JAK3: variants seen among roughly 807,000 people sequenced by gnomAD.
JAK3 encodes the protein tyrosine-protein kinase JAK3.
A neutral mutation model predicts 120.8 loss-of-function variants in JAK3; 88 were observed. The ratio of observed to expected loss-of-function variants is 0.73; its 90% CI spans 0.61 to 0.87. JAK3 has a LOEUF of 0.87. JAK3 is among the 40% of genes least tolerant of loss of function. The pLI is 0.00. For synonymous variants in JAK3, 592 were observed against 628.6 expected (o/e 0.94, Z 0.87); for missense variants, 1,254 against 1,501.4 (o/e 0.84, Z 2.72).
rs200966702 is a variant in JAK3, at chr19:17,843,737, A to G, written c.308+40T>C. ...GCACCTCGAAATGCAAGGAGATGAT[A>G]AAATTGTACAATCCCTGGGGGCTGG... On this transcript the variant is annotated intron_variant, in intron 3 of 23. Transcript: ENST00000458235. This position sits in a 1 kb window ranked among gnomAD's most constrained non-coding sequence, Gnocchi z 5.4. 1.4e-4 allele frequency: 233 copies of G among 1,611,308 alleles called. No homozygotes were observed. Among genetic ancestry groups the G allele is most frequent in the Non-Finnish European group, 1.9e-4 (226 of 1,178,702 alleles).
At position 17,839,676 on chromosome 19, in the gene JAK3, G is replaced by C. The variant is rs758957274; in HGVS notation, c.1255-13C>G. 1 of 1,604,678 alleles carries C rather than the reference G, an allele frequency of 6.2e-7. No individual in the cohort carries two copies. Among genetic ancestry groups the C allele is most frequent in the African/African-American group, 1.3e-5 (1 of 74,846 alleles). On this transcript the variant is annotated splice_polypyrimidine_tract_variant and intron_variant, in intron 9 of 23. Coordinates refer to ENST00000458235, the MANE Select transcript of JAK3 (RefSeq NM_000215.4). ...GACCAAGGGGGTTCTGCAAAGAAGA[G>C]TGGCCCCTGAGTGGGACTGAGCGAC...
intron 1 of JAK3, 81 bp from the exon 2 acceptor site, chr19:17,844,511 G>A (rs557532469): frequency 6.3e-5 from 83 of 1,311,176 alleles, no homozygotes; most frequent in Non-Finnish European, 2.7e-5. Context: ...GGAAAGGAGT[G>A]CTGGAGGCCG....
rs35458530 is a variant in JAK3, at chr19:17,834,662, G to A, written c.2259C>T (p.Ala753=). 0.013 allele frequency: 20,245 copies of A among 1,614,058 alleles called. 160 individuals carry two copies. The highest frequency in any genetic ancestry group is 0.015 in the Non-Finnish European group (17,335 of 1,179,998). The change falls in exon 17 of 24, where the codon GCC becomes GCT. Residue 753 remains alanine, a synonymous_variant. Transcript: ENST00000458235. ...QLPAPKWTEL[A]LLIQQCMAYE... ...AGGCCATGCACTGTTGAATCAGCAG[G>A]GCCAGCTCTGTCCACTTGGGGGCCG...
chr19:17,842,380 T>A lies in JAK3; in HGVS notation c.797A>T (p.Asp266Val), dbSNP rs2147697148. 6.3e-7 allele frequency: 1 copy of A among 1,586,124 alleles called. No individual in the cohort carries two copies. Among genetic ancestry groups the A allele is most frequent in the Non-Finnish European group, 8.5e-7 (1 of 1,170,232 alleles). The change falls in exon 6 of 24, where the codon GAC becomes GTC. Residue 266 changes from aspartate (D) to valine (V), a missense_variant. By Grantham distance (152) the Asp-to-Val change is radical (BLOSUM62 -3). Coordinates refer to ENST00000458235, the MANE Select transcript of JAK3 (RefSeq NM_000215.4). This position sits in a 1 kb window ranked among gnomAD's most constrained non-coding sequence, Gnocchi z 6.4. ...AGCCACGCGGAGCAGCCCCAGCCCG[T>A]CGTGGCCACCAAGGGCCCCAGGGAG... The part of the protein sequence containing the change: ...VGLPGALGGH[D>V]GLGLLRVAGD...
chr19:17,835,728 G>C (rs1302562669), intron 14 of JAK3, among the ~76,000 whole-genome samples, 196 bp downstream of exon 14: 1 of 151,932 alleles, frequency 6.6e-6, no homozygotes, highest in Non-Finnish European at 1.5e-5. Flanking sequence ...GCCCAGCCTC[G>C]TCATTCACCA....
At position 17,830,474 on chromosome 19, in the gene JAK3, A is replaced by C. The variant is rs370952891; in HGVS notation, c.3096+29T>G. On this transcript the variant is annotated intron_variant, in intron 22 of 23. Coordinates refer to ENST00000458235, the MANE Select transcript of JAK3 (RefSeq NM_000215.4). ...CCACGAGGGGCGTGGAGGGAGAAGA[A>C]GGCTGGGGGCTCTGGGAAGCCGACT... is the stretch of plus-strand genomic sequence containing the variant. 2.9e-5 allele frequency: 45 copies of C among 1,568,926 alleles called. No homozygotes were observed. In the African/African-American group the frequency reaches 5.5e-4, roughly 19 times the overall value.
chr19:17,842,296 G>T lies in JAK3; in HGVS notation c.861+20C>A. 1 of 1,233,550 alleles carries T rather than the reference G, an allele frequency of 8.1e-7. No homozygotes were observed. The highest frequency in any genetic ancestry group is 1.1e-6 in the Non-Finnish European group (1 of 927,462). The allele number at this position is 1,233,550 out of a possible 1,614,324, so 76.4% of individuals were successfully genotyped here. ...CCCGCCCCCACGTTGGCCCCGCCCAGCGGGGGAGTCCGCCCTCACCTCCTG... is the reference window on the plus strand; with the variant it reads ...CCCGCCCCCACGTTGGCCCCGCCCATCGGGGGAGTCCGCCCTCACCTCCTG... On this transcript the variant is annotated intron_variant, in intron 6 of 23. Transcript: ENST00000458235. This position sits in a 1 kb window ranked among gnomAD's most constrained non-coding sequence, Gnocchi z 6.4.
Position 17,841,880 on chromosome 19 carries a change from C to A in JAK3, c.862-118G>T. On this transcript the variant is annotated intron_variant, in intron 6 of 23. Coordinates refer to ENST00000458235, the MANE Select transcript of JAK3 (RefSeq NM_000215.4). This position sits in a 1 kb window ranked among gnomAD's most constrained non-coding sequence, Gnocchi z 4.1. ...CTATCCCTTTGCCATTCAACCCTTCCAAGCCGCGCCCCCTCCTATCAACTC... is the reference window on the plus strand; with the variant it reads ...CTATCCCTTTGCCATTCAACCCTTCAAAGCCGCGCCCCCTCCTATCAACTC... 7.1e-7 allele frequency: 1 copy of A among 1,402,478 alleles called. No individual in the cohort carries two copies. The highest frequency in any genetic ancestry group is 2.4e-5 in the East Asian group (1 of 42,406). 86.9% of individuals were successfully genotyped at this position (1,402,478 alleles called of 1,614,324 possible).
rs1350183440 is a variant in JAK3 at position 17,841,619 on chromosome 19, G to A, written c.984+21C>T. The A allele has an allele frequency of 6.2e-7, 1 of 1,613,752 alleles. No individual in the cohort carries two copies. ...CCCGCCCTCGGGGTAAGGCTGAAGG[G>A]GAGGGGAATCCTGCACCCACTAAAA... On this transcript the variant is annotated intron_variant, in intron 7 of 23. Coordinates refer to ENST00000458235, the MANE Select transcript of JAK3 (RefSeq NM_000215.4). This position sits in a 1 kb window ranked among gnomAD's most constrained non-coding sequence, Gnocchi z 4.1.
chr19:17,831,163 G>A lies in JAK3; in HGVS notation c.2978+65C>T, dbSNP rs2094213765. 5 of 1,498,910 alleles carry A rather than the reference G, an allele frequency of 3.3e-6. No individual in the cohort carries two copies. Among genetic ancestry groups the A allele is most frequent in the Non-Finnish European group, 1.8e-6 (2 of 1,110,954 alleles). The allele number at this position is 1,498,910 out of a possible 1,614,324, so 92.9% of individuals were successfully genotyped here. A position where few individuals can be genotyped will look rare whatever the true frequency, so the allele number is the denominator to read the frequency against. On this transcript the variant is annotated intron_variant, in intron 21 of 23. Transcript: ENST00000458235. The surrounding 1 kb of genome is among the most constrained non-coding windows in gnomAD (Gnocchi z 5.1). ...AGCAAAGCAGCGGGAGGGGGCGGGG[G>A]CATGGCTGGGGGCGGAGCCAGAGCC... is the stretch of plus-strand genomic sequence containing the variant.
chr19:17,830,747 C>A, intron 21 of JAK3, 127 bp from the exon 22 acceptor site: 1 of 728,384 alleles, frequency 1.4e-6, no homozygotes, highest in Non-Finnish European at 2.4e-6. Flanking sequence ...TCTCCAGGGT[C>A]TCGGTTTCCC....
Position 17,826,850 on chromosome 19 carries a change from C to T in JAK3, c.3268G>A (p.Ala1090Thr), listed in dbSNP as rs144968714. The T allele has an allele frequency of 3.7e-4, 597 of 1,613,906 alleles. 3 individuals carry two copies. The African/African-American group carries it at 5.0e-3, about 13-fold the overall frequency. The stretch of plus-strand genomic sequence containing the variant: ...AGCATGTCCAGCTGGGGGCCCAGGG[C>T]GCTGAATGATGGCCGGTCCTGTGGG... Reference protein sequence around the residue: ...PSPQDRPSFSALGPQLDMLWS... With the variant: ...PSPQDRPSFSTLGPQLDMLWS... Residue 1090 changes from alanine to threonine, a missense_variant, in exon 24 of 24, where the codon GCC (alanine) becomes ACC (threonine). Ala to Thr is a moderately conservative substitution (Grantham distance 58). Around this residue, in one of 3 missense-constraint regions of JAK3, gnomAD observed 630 missense variants for 819.8 expected, o/e 0.77. Coordinates refer to ENST00000458235, the MANE Select transcript of JAK3 (RefSeq NM_000215.4).
Position 17,841,876 on chromosome 19 carries a change from C to G in JAK3, c.862-114G>C. 1 of 1,472,502 alleles carries G rather than the reference C, an allele frequency of 6.8e-7. No homozygotes were observed. Among genetic ancestry groups the G allele is most frequent in the Non-Finnish European group, 9.2e-7 (1 of 1,083,596 alleles). The allele number at this position is 1,472,502 out of a possible 1,614,324, so 91.2% of individuals were successfully genotyped here. ...CTCCCTATCCCTTTGCCATTCAACC[C>G]TTCCAAGCCGCGCCCCCTCCTATCA... is the stretch of plus-strand genomic sequence containing the variant. On this transcript the variant is annotated intron_variant, in intron 6 of 23. Transcript: ENST00000458235. This position sits in a 1 kb window ranked among gnomAD's most constrained non-coding sequence, Gnocchi z 4.1.
rs565783591 is a variant in JAK3 at position 17,844,321 on chromosome 19, G to T, written c.97C>A (p.Arg33=). 1.9e-6 allele frequency: 3 copies of T among 1,610,136 alleles called. No homozygotes were observed. Among genetic ancestry groups the T allele is most frequent in the Admixed American group, 1.7e-5 (1 of 59,614 alleles). ...AGALHVLLPA[R]GPGPPQRLSF... ...AGGCGCTGGGGGGGCCCGGGGCCCC[G>T]AGCGGGCAGCAGCACATGCAGGGCA... is the stretch of plus-strand genomic sequence containing the variant. Residue 33 remains arginine (R), a synonymous_variant, in exon 2 of 24, where the codon CGG becomes AGG. Transcript: ENST00000458235.
chr19:17,843,718 C>G lies in JAK3; in HGVS notation c.308+59G>C, dbSNP rs1273052283. On this transcript the variant is annotated intron_variant, in intron 3 of 23. Transcript: ENST00000458235. This position sits in a 1 kb window ranked among gnomAD's most constrained non-coding sequence, Gnocchi z 5.4. ...CCCTGGGGCAGGGGTGTGGGCACCT[C>G]GAAATGCAAGGAGATGATAAAATTG... 6.2e-7 allele frequency: 1 copy of G among 1,604,786 alleles called. No individual in the cohort carries two copies. The highest frequency in any genetic ancestry group is 8.5e-7 in the Non-Finnish European group (1 of 1,173,072).
intron 9 of JAK3, among the ~76,000 whole-genome samples, 182 bp from the exon 10 acceptor site, chr19:17,839,845 A>G (rs1383542774): frequency 6.8e-6 from 1 of 147,900 alleles, no homozygotes; most frequent in Non-Finnish European, 1.5e-5. Context: ...GGTTCAAGCG[A>G]TTCTCCTGCC....
In JAK3 at chr19:17,832,935, G is replaced by A. The variant is rs202183603; in HGVS notation, c.2351-6C>T. ...GTCTGAGAGGAGCTCATAGTCTGGG[G>A]TGGGGGCATGGGCAGTGGTAAGCAG... On this transcript the variant is annotated splice_polypyrimidine_tract_variant and splice_region_variant and intron_variant, in intron 17 of 23. Coordinates refer to ENST00000458235, the MANE Select transcript of JAK3 (RefSeq NM_000215.4). The surrounding 1 kb of genome is among the most constrained non-coding windows in gnomAD (Gnocchi z 4.7). The A allele has an allele frequency of 2.0e-5, 33 of 1,612,134 alleles. No individual in the cohort carries two copies. The highest frequency in any genetic ancestry group is 2.7e-5 in the Non-Finnish European group (32 of 1,179,286).
chr19:17,833,063 G>A, intron 17 of JAK3, 134 bp from the exon 18 acceptor site: 1 of 1,477,864 alleles, frequency 6.8e-7, no homozygotes, highest in Admixed American at 2.1e-5. Flanking sequence ...GCAAGCCAAA[G>A]GGTACCTTGT....
At position 17,844,482 on chromosome 19, in the gene JAK3, T is replaced by C. The variant is rs568623994; in HGVS notation, c.-13-52A>G. Reference sequence around the variant, plus strand: ...CAGTCCTGGTCAGAGGGGATTGGACTTCTGAGCAGGGAGGGCATGGAAAGG... The same window carrying C: ...CAGTCCTGGTCAGAGGGGATTGGACCTCTGAGCAGGGAGGGCATGGAAAGG... On this transcript the variant is annotated intron_variant, in intron 1 of 23. Transcript: ENST00000458235. 4 of 1,495,786 alleles carry C rather than the reference T, an allele frequency of 2.7e-6. No homozygotes were observed. In the African/African-American group the frequency reaches 5.6e-5, roughly 21 times the overall value. 92.7% of individuals were successfully genotyped at this position (1,495,786 alleles called of 1,614,324 possible).
Sources: gnomAD v4.1 joint callset for allele counts (sites outside exome capture counted in the v4.1 genomes callset) on GRCh38, gnomAD v4.1.1 for gene constraint, gnomAD v4.1.1 regional missense constraint, Gnocchi (gnomAD v3.1) non-coding constraint, MANE v1.5 for transcripts, NCBI Gene and HGNC (gene_info 2026-07-23, HGNC 2026-07-21) for gene names.